Variants in CUL3 observed in about 807,000 individuals in gnomAD.
The protein encoded by CUL3 is cullin 3.
CUL3 carries 19 observed loss-of-function variants against 89.1 expected under a neutral mutation model. The ratio of observed to expected loss-of-function variants is 0.21; its 90% CI spans 0.15 to 0.31. The LOEUF (loss-of-function observed/expected upper bound fraction) is 0.31. Among genes scored for constraint, CUL3 ranks in the 10% least tolerant of loss-of-function variants. The pLI is 1.00. For missense variants in CUL3, 469 were observed against 942.3 expected (o/e 0.50, Z 6.58); for synonymous variants, 351 against 308.4 (o/e 1.14, Z -1.45).
rs184225603 is a variant in CUL3, at chr2:224,574,866, A to G, written c.66+10078T>C. ...AAGAGTCTGTTAGTTCCTTTATTCAACATTGTGTACTATATGCTGGGTGCG... is the reference window on the plus strand; with the variant it reads ...AAGAGTCTGTTAGTTCCTTTATTCAGCATTGTGTACTATATGCTGGGTGCG... On this transcript the variant is annotated intron_variant, in intron 1 of 15. Transcript: ENST00000264414. Among the ~76,000 whole-genome samples the G allele has an allele frequency of 7.9e-5, 12 of 152,326 alleles. No homozygotes were observed. In the East Asian group the frequency reaches 1.9e-3, roughly 24 times the overall value.
intron 1 of CUL3, among the ~76,000 whole-genome samples, chr2:224,580,238 T>C (rs904894858): frequency 7.2e-5 from 11 of 152,228 alleles, no homozygotes; most frequent in Non-Finnish European, 1.3e-4. Context: ...AATAAACTTT[T>C]CCTTTGTCAA....
chr2:224,549,921 G>C (rs1385976004), intron 2 of CUL3, among the ~76,000 whole-genome samples: 1 of 151,988 alleles, frequency 6.6e-6, no homozygotes, highest in Non-Finnish European at 1.5e-5. Context: ...CTGTAACTCT[G>C]CTAAATACCT....
In CUL3 at chr2:224,585,016, CG is replaced by C; in HGVS notation, c.-8del. ...CTTTGCTCAGATTCGACATGGTGCTCGTCCCCTCCCCGGCGGCGGCTTCAGG... is the reference window on the plus strand; with the variant it reads ...CTTTGCTCAGATTCGACATGGTGCTCTCCCCTCCCCGGCGGCGGCTTCAGG... On this transcript the variant is annotated 5_prime_UTR_variant, in exon 1 of 16. Coordinates refer to ENST00000264414, the MANE Select transcript of CUL3 (RefSeq NM_003590.5). 6.7e-7 allele frequency: 1 copy of C among 1,496,502 alleles called. No individual in the cohort carries two copies. The highest frequency in any genetic ancestry group is 9.0e-7 in the Non-Finnish European group (1 of 1,110,628). The allele number at this position is 1,496,502 out of a possible 1,614,324, so 92.7% of individuals were successfully genotyped here.
chr2:224,497,661 G>GT, intron 12 of CUL3, 92 bp downstream of exon 12: 1 of 906,306 alleles, frequency 1.1e-6, no homozygotes, highest in Non-Finnish European at 1.7e-6. Flanking sequence ...AGAAACAGAA[G>GT]TAAGTAATTT....
intron 3 of CUL3, among the ~76,000 whole-genome samples, chr2:224,520,717 T>TAGG (rs2106235955): frequency 6.6e-6 from 1 of 152,320 alleles, no homozygotes; most frequent in East Asian, 1.9e-4. Context: ...ACTCAAGACC[T>TAGG]AGGGCTCTTT....
chr2:224,542,327 C>T (rs116390015), intron 2 of CUL3, among the ~76,000 whole-genome samples: 1 of 152,024 alleles, frequency 6.6e-6, no homozygotes, highest in Non-Finnish European at 1.5e-5. Flanking sequence ...CAAAAGGAAA[C>T]CTTTTTCTTT....
intron 3 of CUL3, among the ~76,000 whole-genome samples, chr2:224,527,927 T>G (rs1279020601): frequency 6.6e-6 from 1 of 152,194 alleles, no homozygotes; most frequent in African/African-American, 2.4e-5. Flanking sequence ...TTTTGAACAC[T>G]CTTCTCTGAG....
At chr2:224,548,584 A>G (rs1005740142) in intron 2 of CUL3, among the ~76,000 whole-genome samples, 3 of 152,206 alleles carry the variant, frequency 2.0e-5, no homozygotes, top group African/African-American at 7.2e-5. Context: ...GATTATTACT[A>G]TGGAGTATTA....
intron 1 of CUL3, among the ~76,000 whole-genome samples, chr2:224,571,421 A>G (rs1360589234): frequency 2.0e-5 from 3 of 152,168 alleles, no homozygotes; most frequent in African/African-American, 7.2e-5. Context: ...AATGTATAAA[A>G]ACTCTATAAA....
rs1358929475 is a variant in CUL3 at position 224,471,737 on chromosome 2, T to C, written c.*2508A>G. The C allele has an allele frequency of 8.9e-6, 2 of 224,652 alleles. No individual in the cohort carries two copies. The highest frequency in any genetic ancestry group is 1.8e-5 in the Non-Finnish European group (2 of 112,826). 13.9% of individuals were successfully genotyped at this position (224,652 alleles called of 1,614,324 possible). A position where few individuals can be genotyped will look rare whatever the true frequency, so the allele number is the denominator to read the frequency against. On this transcript the variant is annotated 3_prime_UTR_variant, in exon 16 of 16. Coordinates refer to ENST00000264414, the MANE Select transcript of CUL3 (RefSeq NM_003590.5). ...CTAATTGCAATGAATTTTCAGTCTT[T>C]AAATAATGTTAACGATTCAAAATAA...
intron 2 of CUL3, among the ~76,000 whole-genome samples, chr2:224,538,602 T>C (rs1693977880): frequency 1.3e-5 from 2 of 152,134 alleles, no homozygotes; most frequent in South Asian, 2.1e-4. Context: ...AAACAGCCTA[T>C]GGATTAAGTA....
At chr2:224,477,902 A>T (rs1691382636) in intron 15 of CUL3, among the ~76,000 whole-genome samples, 1 of 152,216 alleles carries the variant, frequency 6.6e-6, no homozygotes, top group African/African-American at 2.4e-5. Flanking sequence ...ATTAATTTTT[A>T]GAAGTAAAGG....
chr2:224,573,185 A>G (rs947705963), intron 1 of CUL3, among the ~76,000 whole-genome samples: 1 of 152,214 alleles, frequency 6.6e-6, no homozygotes, highest in African/African-American at 2.4e-5. Context: ...TCTCTTTAGT[A>G]TATTCTTAAA....
At chr2:224,500,114 CTAAA>C (rs2106188400) in intron 11 of CUL3, 1 of 355,652 alleles carries the variant, frequency 2.8e-6, no homozygotes, top group South Asian at 3.7e-5. Flanking sequence ...TACTGCTGCT[CTAAA>C]TAAAAGGCAT....
intron 11 of CUL3, among the ~76,000 whole-genome samples, chr2:224,498,547 T>C (rs1303548837): frequency 6.6e-6 from 1 of 152,202 alleles, no homozygotes; most frequent in African/African-American, 2.4e-5. Context: ...AAACCCAACA[T>C]TTCTGTGAAC....
chr2:224,494,932 T>C (rs1009642527), intron 13 of CUL3: 2 of 151,710 alleles, frequency 1.3e-5, no homozygotes, highest in Admixed American at 6.6e-5. Flanking sequence ...AAAGACACCA[T>C]TAAGAAAATG....
chr2:224,561,537 C>G (rs1694901853), intron 1 of CUL3, among the ~76,000 whole-genome samples: 1 of 152,170 alleles, frequency 6.6e-6, no homozygotes, highest in Non-Finnish European at 1.5e-5. Flanking sequence ...CAAACTGAAT[C>G]TTGTTATTCT....
chr2:224,470,914 A>C lies in CUL3; in HGVS notation c.*3331T>G. ...TAACATGGAATATGGATAGGATTAA[A>C]CCTAGGTCCAACTCCTGGCTCTGCC... On this transcript the variant is annotated 3_prime_UTR_variant, in exon 16 of 16. Transcript: ENST00000264414. The C allele has an allele frequency of 4.4e-6, 1 of 228,792 alleles. No individual in the cohort carries two copies. Among genetic ancestry groups the C allele is most frequent in the Non-Finnish European group, 8.7e-6 (1 of 115,352 alleles). 14.2% of individuals were successfully genotyped at this position (228,792 alleles called of 1,614,324 possible).
chr2:224,474,987 ATC>A (rs1691261649), intron 15 of CUL3, among the ~76,000 whole-genome samples: 1 of 152,162 alleles, frequency 6.6e-6, no homozygotes, highest in South Asian at 2.1e-4. Context: ...TGCACTATTC[ATC>A]TGTCATTTTG....
Sources: allele counts gnomAD v4.1 joint callset (sites outside exome capture counted in the v4.1 genomes callset), GRCh38; gene constraint gnomAD v4.1.1; transcripts MANE v1.5; gene names NCBI Gene and HGNC (gene_info 2026-07-23, HGNC 2026-07-21).